ADAMTS6: variants seen among roughly 807,000 people sequenced by gnomAD.
The protein encoded by ADAMTS6 is ADAM metallopeptidase with thrombospondin type 1 motif 6.
ADAMTS6 carries 23 observed loss-of-function variants against 144.3 expected under a neutral mutation model. The ratio of observed to expected loss-of-function variants is 0.16; its 90% CI spans 0.11 to 0.23. The LOEUF (loss-of-function observed/expected upper bound fraction) is 0.23. Among genes scored for constraint, ADAMTS6 ranks in the 10% least tolerant of loss-of-function variants. The probability of loss-of-function intolerance (pLI) is 1.00; values close to 1 mark genes in which losing one functional copy is unlikely to be tolerated. For synonymous variants in ADAMTS6, 444 were observed against 457.5 expected (o/e 0.97, Z 0.38); for missense variants, 999 against 1,379.6 (o/e 0.72, Z 4.37).
At chr5:65,273,982 C>T (rs564204607) in intron 11 of ADAMTS6, among the ~76,000 whole-genome samples, 20 of 152,174 alleles carry the variant, frequency 1.3e-4, no homozygotes, top group Admixed American at 7.8e-4. Flanking sequence ...CATTCATATA[C>T]GCCTAGGCAC....
chr5:65,412,848 C>T (rs1414035044), intron 7 of ADAMTS6, among the ~76,000 whole-genome samples: 1 of 151,984 alleles, frequency 6.6e-6, no homozygotes. Flanking sequence ...TCAAATAATA[C>T]TGATACCAGA....
intron 9 of ADAMTS6, among the ~76,000 whole-genome samples, chr5:65,312,901 T>C (rs1048120417): frequency 2.0e-5 from 3 of 151,752 alleles, no homozygotes; most frequent in African/African-American, 7.3e-5. Flanking sequence ...ATAGGGAAGG[T>C]AGCTGGAACA....
At chr5:65,263,079 T>C (rs1467418314) in intron 12 of ADAMTS6, 117 bp from the exon 13 acceptor site, 1 of 1,267,904 alleles carries the variant, frequency 7.9e-7, no homozygotes, top group African/African-American at 1.5e-5. Flanking sequence ...TCCCAATTGA[T>C]AACAGACAGA....
chr5:65,389,004 G>A (rs1053787183), intron 7 of ADAMTS6, among the ~76,000 whole-genome samples: 5 of 152,174 alleles, frequency 3.3e-5, no homozygotes, highest in Admixed American at 6.5e-5. Flanking sequence ...TCAGGAGATC[G>A]AGACCATCCT....
chr5:65,250,726 A>C (rs996998481), intron 14 of ADAMTS6, among the ~76,000 whole-genome samples: 13 of 152,322 alleles, frequency 8.5e-5, no homozygotes, highest in Admixed American at 3.9e-4. Flanking sequence ...TCAAGTAAAC[A>C]CCAAATCACA....
intron 7 of ADAMTS6, among the ~76,000 whole-genome samples, chr5:65,408,454 T>C (rs564549307): frequency 2.2e-4 from 34 of 152,134 alleles, no homozygotes; most frequent in Admixed American, 1.8e-3. Flanking sequence ...GCTAACTATC[T>C]TAAATATATA....
rs1755323416 is a variant in ADAMTS6, at chr5:65,414,426, C to CT, written c.1073+37048dup. 4.6e-5 allele frequency among the ~76,000 whole-genome samples: 7 copies of CT among 152,112 alleles called. No homozygotes were observed. The South Asian group carries it at 1.5e-3, about 32-fold the overall frequency. ...TAATTTTCAGACTCAGCTGGGAACT[C>CT]TAAGAAGGTCAAGGGAAAGATTTTG... On this transcript the variant is annotated intron_variant, in intron 7 of 24. Transcript: ENST00000381055.
intron 7 of ADAMTS6, among the ~76,000 whole-genome samples, chr5:65,350,798 C>T (rs1302814199): frequency 3.3e-5 from 5 of 152,052 alleles, no homozygotes; most frequent in African/African-American, 1.2e-4. Context: ...GGATTACAGG[C>T]TTGCGCAACC....
chr5:65,411,274 T>C (rs576808165), intron 7 of ADAMTS6, among the ~76,000 whole-genome samples: 1 of 152,218 alleles, frequency 6.6e-6, no homozygotes, highest in African/African-American at 2.4e-5. Context: ...CTCTTCAACA[T>C]ACTGATTTCA....
At chr5:65,225,193 G>A (rs1734100094) in intron 16 of ADAMTS6, 146 bp from the exon 17 acceptor site, 17 of 984,426 alleles carry the variant, frequency 1.7e-5, no homozygotes, top group South Asian at 4.2e-5. Flanking sequence ...CCATACTTGG[G>A]TCTTTGTTAT....
chr5:65,237,287 C>T (rs1229727526), intron 15 of ADAMTS6, among the ~76,000 whole-genome samples: 1 of 149,608 alleles, frequency 6.7e-6, no homozygotes, highest in Non-Finnish European at 1.5e-5. Context: ...ACTCAGGAGG[C>T]TGAGGAGGGA....
rs577818355 is a variant in ADAMTS6 at position 65,323,687 on chromosome 5, C to G, written c.1223+5691G>C. Among the ~76,000 whole-genome samples the G allele has an allele frequency of 3.5e-4, 54 of 152,244 alleles. No individual in the cohort carries two copies. The East Asian group carries it at 0.01, about 28-fold the overall frequency. On this transcript the variant is annotated intron_variant, in intron 9 of 24. Coordinates refer to ENST00000381055, the MANE Select transcript of ADAMTS6 (RefSeq NM_197941.4). ...TTCTAGTTCTAGATTCCTGAGGAAT[C>G]GCCACACCAACTTCCACGATGGTTG... is the stretch of plus-strand genomic sequence containing the variant.
intron 10 of ADAMTS6, chr5:65,297,259 T>C (rs1223316024): frequency 4.4e-6 from 2 of 456,178 alleles, no homozygotes. Context: ...AAAAAAATAT[T>C]GGGAGTTGGT....
In ADAMTS6 at chr5:65,452,129, T is replaced by G; in HGVS notation, c.927+4A>C. The G allele has an allele frequency of 6.2e-7, 1 of 1,606,438 alleles. No homozygotes were observed. The highest frequency in any genetic ancestry group is 1.1e-5 in the South Asian group (1 of 89,486). On this transcript the variant is annotated splice_donor_region_variant and intron_variant, in intron 6 of 24. Coordinates refer to ENST00000381055, the MANE Select transcript of ADAMTS6 (RefSeq NM_197941.4). ...CTTAGATATATAAACTAACTCATTC[T>G]TACCTGATCTTCTGTGAGAACAATT...
At chr5:65,416,338 GA>G (rs1431645062) in intron 7 of ADAMTS6, 1 of 152,542 alleles carries the variant, frequency 6.6e-6, no homozygotes, top group East Asian at 1.9e-4. Flanking sequence ...AGACACTGAA[GA>G]TGGAAATGTA....
intron 8 of ADAMTS6, among the ~76,000 whole-genome samples, chr5:65,333,612 T>G (rs965244712): frequency 2.0e-5 from 3 of 151,372 alleles, no homozygotes; most frequent in Non-Finnish European, 4.4e-5. Context: ...TTAGTTGTGT[T>G]TTTTTTTTCT....
At chr5:65,360,549 G>T (rs907516199) in intron 7 of ADAMTS6, among the ~76,000 whole-genome samples, 1 of 151,620 alleles carries the variant, frequency 6.6e-6, no homozygotes, top group Non-Finnish European at 1.5e-5. Flanking sequence ...TACCTTAATA[G>T]AGCTGAGGAA....
At chr5:65,442,675 A>G (rs781157462) in intron 7 of ADAMTS6, among the ~76,000 whole-genome samples, 4 of 152,126 alleles carry the variant, frequency 2.6e-5, no homozygotes, top group Non-Finnish European at 5.9e-5. Flanking sequence ...CTAACTATAT[A>G]TATATTTTTA....
rs571747694 is a variant in ADAMTS6 at position 65,370,913 on chromosome 5, A to G, written c.1074-36828T>C. Among the ~76,000 whole-genome samples, 844 of 152,316 alleles carry G rather than the reference A, an allele frequency of 5.5e-3. 3 individuals carry two copies. The highest frequency in any genetic ancestry group is 9.5e-3 in the Non-Finnish European group (644 of 68,032). On this transcript the variant is annotated intron_variant, in intron 7 of 24. Transcript: ENST00000381055. ...AAGAGAGCAGTGATTCTCCCAGCAC[A>G]CAGCTGGAGATCTGAGAACGGGCAG...
Sources: allele counts gnomAD v4.1 joint callset (sites outside exome capture counted in the v4.1 genomes callset), GRCh38; gene constraint gnomAD v4.1.1; transcripts MANE v1.5; gene names NCBI Gene and HGNC (gene_info 2026-07-23, HGNC 2026-07-21).